Variants in GTF2IRD2B observed in about 807,000 individuals in gnomAD.
The protein encoded by GTF2IRD2B is GTF2I repeat domain containing 2B.
Under a neutral mutation model 55.6 loss-of-function variants are expected in GTF2IRD2B, and 10 were observed. The observed-to-expected ratio is 0.18, with a 90% confidence interval of 0.11 to 0.31. The LOEUF is 0.31. Among genes scored for constraint, GTF2IRD2B ranks in the 10% least tolerant of loss-of-function variants. The probability of loss-of-function intolerance (pLI) is 1.00; values close to 1 mark genes in which losing one functional copy is unlikely to be tolerated. For missense variants in GTF2IRD2B, 206 were observed against 802.7 expected, an observed-to-expected ratio of 0.26 and a Z score of 8.98; for synonymous variants, 107 against 320.5, an observed-to-expected ratio of 0.33 and a Z score of 7.12.
At chr7:75,105,610 T>A (rs1807770418) in intron 1 of GTF2IRD2B, among the ~76,000 whole-genome samples, 1 of 152,306 alleles carries the variant, frequency 6.6e-6, no homozygotes, top group Admixed American at 6.5e-5. Context: ...TTTTTAACGA[T>A]AACAATTTGC....
chr7:75,130,666 CG>C (rs1808646165), intron 8 of GTF2IRD2B, among the ~76,000 whole-genome samples: 1 of 146,978 alleles, frequency 6.8e-6, no homozygotes, highest in Non-Finnish European at 1.5e-5. Context: ...TTAATAGAGA[CG>C]GGGTTTCACC....
chr7:75,139,728 G>T (rs1430784674), intron 12 of GTF2IRD2B, among the ~76,000 whole-genome samples: 1 of 91,366 alleles, frequency 1.1e-5, no homozygotes, highest in Non-Finnish European at 2.1e-5. Context: ...TAATTACATA[G>T]TTCCTCCAGG....
At chr7:75,103,049 G>A (rs1408934465) in intron 1 of GTF2IRD2B, among the ~76,000 whole-genome samples, 19 of 150,874 alleles carry the variant, frequency 1.3e-4, no homozygotes, top group Non-Finnish European at 2.2e-4. Context: ...AGGCTGAGGC[G>A]TGTGGATCAA....
rs1259255503 is a variant in GTF2IRD2B at position 75,107,448 on chromosome 7, G to A, written c.-5-1512G>A. ...AAATTAGCCAGGCGTGGTGGCAGGC[G>A]CCTGTAGTCCCAGCTACTCGGGAGG... On this transcript the variant is annotated intron_variant, in intron 1 of 15. Transcript: ENST00000472837. Among the ~76,000 whole-genome samples the A allele has an allele frequency of 3.3e-4, 47 of 142,232 alleles. 1 individual carries two copies. The highest frequency in any genetic ancestry group is 1.1e-3 in the African/African-American group (43 of 40,052). The allele number at this position is 142,232 out of a possible 152,430, so 93.3% of individuals were successfully genotyped here. A position where few individuals can be genotyped will look rare whatever the true frequency, so the allele number is the denominator to read the frequency against.
chr7:75,101,787 A>G (rs1205018186), intron 1 of GTF2IRD2B, among the ~76,000 whole-genome samples: 2 of 133,754 alleles, frequency 1.5e-5, no homozygotes, highest in African/African-American at 2.8e-5. Context: ...CTAGCTACTC[A>G]GGAGGCTGAG....
Position 75,127,491 on chromosome 7 carries a change from A to AAG in GTF2IRD2B, c.670+1125_670+1126dup, listed in dbSNP as rs1190391259. 8.4e-3 allele frequency among the ~76,000 whole-genome samples: 1,206 copies of AAG among 144,168 alleles called. 18 individuals are homozygous for AAG. The highest frequency in any genetic ancestry group is 0.025 in the African/African-American group (964 of 38,518). The allele number at this position is 144,168 out of a possible 152,430, so 94.6% of individuals were successfully genotyped here. ...CTCAAAAAAAAAAAAAAAAAAAAAA[A>AAG]AGAGAGAGAGAGAGAGAGAGGGAGC... On this transcript the variant is annotated intron_variant, in intron 8 of 15. Transcript: ENST00000472837.
At chr7:75,119,810 C>A (rs1808308096) in intron 3 of GTF2IRD2B, among the ~76,000 whole-genome samples, 1 of 95,872 alleles carries the variant, frequency 1.0e-5, no homozygotes, top group Non-Finnish European at 2.1e-5. Flanking sequence ...CAGACTTCAC[C>A]AACAACACCG....
intron 1 of GTF2IRD2B, among the ~76,000 whole-genome samples, chr7:75,105,611 A>G (rs1443399460): frequency 6.6e-6 from 1 of 152,310 alleles, no homozygotes; most frequent in African/African-American, 2.4e-5. Context: ...TTTTAACGAT[A>G]ACAATTTGCA....
At chr7:75,104,245 C>T (rs1209097596) in intron 1 of GTF2IRD2B, among the ~76,000 whole-genome samples, 1 of 150,288 alleles carries the variant, frequency 6.7e-6, no homozygotes, top group Non-Finnish European at 1.5e-5. Flanking sequence ...GCCTCAGCCT[C>T]CGGAGTAGCT....
intron 11 of GTF2IRD2B, among the ~76,000 whole-genome samples, chr7:75,137,117 C>T (rs587666057): frequency 2.9e-3 from 430 of 150,722 alleles, no homozygotes; most frequent in Non-Finnish European, 4.8e-3. Flanking sequence ...ACAGGAGGAT[C>T]GCTTGAACCT....
intron 1 of GTF2IRD2B, among the ~76,000 whole-genome samples, chr7:75,105,129 G>A (rs1807740207): frequency 2.0e-5 from 3 of 152,298 alleles, no homozygotes; most frequent in Admixed American, 1.3e-4. Context: ...CCAGAAGGTC[G>A]AGGCTACACT....
rs1347101042 is a variant in GTF2IRD2B at position 75,134,793 on chromosome 7, C to T, written c.749-208C>T. The stretch of plus-strand genomic sequence containing the variant: ...TGTTGGCCAGGCTGGTCTCGAACTC[C>T]TGACCTCAGGTGATCTGCCCGCCTC... On this transcript the variant is annotated intron_variant, in intron 9 of 15. Coordinates refer to ENST00000472837, the MANE Select transcript of GTF2IRD2B (RefSeq NM_001003795.3). Among the ~76,000 whole-genome samples the T allele has an allele frequency of 2.7e-5, 4 of 145,564 alleles. 1 individual carries two copies. The highest frequency in any genetic ancestry group is 2.8e-5 in the African/African-American group (1 of 35,728).
chr7:75,105,134 T>C (rs1175918992), intron 1 of GTF2IRD2B, among the ~76,000 whole-genome samples: 2 of 152,282 alleles, frequency 1.3e-5, no homozygotes, highest in Admixed American at 6.5e-5. Context: ...AGGTCGAGGC[T>C]ACACTGAACT....
intron 1 of GTF2IRD2B, among the ~76,000 whole-genome samples, chr7:75,105,521 A>C (rs1313811312): frequency 1.3e-5 from 2 of 151,218 alleles, no homozygotes; most frequent in South Asian, 2.1e-4. Flanking sequence ...AAACAAACAG[A>C]CAACCAAATC....
intron 3 of GTF2IRD2B, among the ~76,000 whole-genome samples, chr7:75,113,700 A>T (rs1808039540): frequency 6.6e-6 from 1 of 150,604 alleles, no homozygotes; most frequent in East Asian, 1.9e-4. Flanking sequence ...TAGGTTATTT[A>T]CCAAGTATTG....
chr7:75,103,129 C>A (rs1331221640), intron 1 of GTF2IRD2B, among the ~76,000 whole-genome samples: 1 of 151,712 alleles, frequency 6.6e-6, no homozygotes, highest in Non-Finnish European at 1.5e-5. Context: ...AAAGAGAAAA[C>A]TTAGCTGGGC....
chr7:75,112,375 T>A, intron 2 of GTF2IRD2B, 22 bp from the exon 3 acceptor site: 2 of 466,248 alleles, frequency 4.3e-6, no homozygotes, highest in South Asian at 4.4e-5. Flanking sequence ...AGATAATACA[T>A]CGCTTTTTGT....
At chr7:75,099,782 A>AAATAAAAC (rs1280631027) in intron 1 of GTF2IRD2B, among the ~76,000 whole-genome samples, 1 of 140,680 alleles carries the variant, frequency 7.1e-6, no homozygotes, top group Non-Finnish European at 1.6e-5. Context: ...ATAAATAAAT[A>AAATAAAAC]AAACATAATC....
intron 3 of GTF2IRD2B, 107 bp from the exon 4 acceptor site, chr7:75,120,784 T>C (rs1298343869): frequency 6.4e-7 from 1 of 1,555,962 alleles, no homozygotes; most frequent in African/African-American, 1.4e-5. Flanking sequence ...TCTTGTTTTA[T>C]ATTTATTCAC....
Sources: allele counts gnomAD v4.1 joint callset (sites outside exome capture counted in the v4.1 genomes callset), GRCh38; gene constraint gnomAD v4.1.1; transcripts MANE v1.5; gene names NCBI Gene and HGNC (gene_info 2026-07-23, HGNC 2026-07-21).